Variants in BCAS3 observed in about 807,000 individuals in gnomAD.
The protein encoded by BCAS3 is BCAS4/BCAS3 fusion.
In BCAS3, 53 loss-of-function variants were observed where a neutral mutation model predicts 116.1. The observed-to-expected ratio is 0.46, with a 90% CI of 0.37 to 0.57. BCAS3 has a LOEUF of 0.57. Among genes scored for constraint, BCAS3 ranks in the 20% least tolerant of loss-of-function variants. The pLI is 0.00. For missense variants in BCAS3, 917 were observed against 1,165.4 expected, an observed-to-expected ratio of 0.79 and a Z score of 3.10; for synonymous variants, 391 against 408.2, an observed-to-expected ratio of 0.96 and a Z score of 0.51.
intron 22 of BCAS3, among the ~76,000 whole-genome samples, chr17:61,274,458 T>G (rs1301111120): frequency 1.3e-5 from 2 of 151,810 alleles, no homozygotes; most frequent in Non-Finnish European, 2.9e-5. Flanking sequence ...CTGCCTAATT[T>G]TTGTATTTTT....
chr17:60,982,596 A>G (rs192552042), intron 14 of BCAS3, among the ~76,000 whole-genome samples: 7 of 152,248 alleles, frequency 4.6e-5, no homozygotes, highest in East Asian at 1.9e-4. Flanking sequence ...TCCTCTCTCT[A>G]CTGTGGAGAA....
chr17:61,334,016 A>G (rs968482557), intron 22 of BCAS3, among the ~76,000 whole-genome samples: 6 of 152,146 alleles, frequency 3.9e-5, no homozygotes, highest in Non-Finnish European at 5.9e-5. Context: ...TTAATTCAAC[A>G]TATAATTTGA....
chr17:61,047,899 G>C (rs575221308), intron 19 of BCAS3, among the ~76,000 whole-genome samples: 31 of 152,152 alleles, frequency 2.0e-4, no homozygotes, highest in Middle Eastern at 3.4e-3. Flanking sequence ...CTTTGTGGCA[G>C]AGTGGGTTTC....
intron 7 of BCAS3, among the ~76,000 whole-genome samples, chr17:60,845,010 A>C (rs1479454298): frequency 6.6e-6 from 1 of 152,204 alleles, no homozygotes; most frequent in Non-Finnish European, 1.5e-5. Flanking sequence ...CAGGTGGATC[A>C]CCTGAGGTCA....
intron 22 of BCAS3, among the ~76,000 whole-genome samples, chr17:61,270,480 A>T (rs1026216901): frequency 1.3e-5 from 2 of 151,886 alleles, no homozygotes; most frequent in Non-Finnish European, 2.9e-5. Context: ...GGTGCTCTTT[A>T]TACATTCTGG....
At chr17:61,237,038 A>C (rs1418573721) in intron 22 of BCAS3, among the ~76,000 whole-genome samples, 2 of 152,222 alleles carry the variant, frequency 1.3e-5, no homozygotes, top group Admixed American at 6.5e-5. Flanking sequence ...TTAAAAAGTT[A>C]TCTTTTTTAC....
chr17:61,017,774 A>G lies in BCAS3; in HGVS notation c.1637+1873A>G, dbSNP rs1041137145. Among the ~76,000 whole-genome samples, 4 of 152,178 alleles carry G rather than the reference A, an allele frequency of 2.6e-5. No individual in the cohort carries two copies. Among genetic ancestry groups the G allele is most frequent in the Admixed American group, 6.5e-5 (1 of 15,282 alleles). On this transcript the variant is annotated intron_variant, in intron 16 of 23. Transcript: ENST00000407086. This position sits in a 1 kb window ranked among gnomAD's most constrained non-coding sequence, Gnocchi z 4.7. ...TTTTATGTAGTATTTGAAATTTTCC[A>G]TAAGAAGATAAAATCTCTTGCTTTC...
At chr17:60,711,829 G>A (rs942109444) in intron 5 of BCAS3, among the ~76,000 whole-genome samples, 2 of 151,716 alleles carry the variant, frequency 1.3e-5, no homozygotes, top group African/African-American at 2.4e-5. Flanking sequence ...GAGGCAGGAG[G>A]ATCACTTGAG....
intron 10 of BCAS3, chr17:60,900,015 G>GGC (rs2057774532): frequency 2.0e-5 from 3 of 152,402 alleles, no homozygotes. Flanking sequence ...ACTAAGTTCA[G>GGC]CATCAATATG....
chr17:61,270,796 G>A (rs751887484), intron 22 of BCAS3, among the ~76,000 whole-genome samples: 1 of 152,028 alleles, frequency 6.6e-6, no homozygotes, highest in Non-Finnish European at 1.5e-5. Flanking sequence ...AGGCTGGAGT[G>A]CAATGGTGCA....
At chr17:60,986,563 T>C (rs962711424) in intron 14 of BCAS3, among the ~76,000 whole-genome samples, 2 of 152,222 alleles carry the variant, frequency 1.3e-5, no homozygotes, top group Non-Finnish European at 2.9e-5. Flanking sequence ...GATATCTCAT[T>C]GTAGTTTTGA....
At chr17:61,272,127 C>T (rs1033541892) in intron 22 of BCAS3, among the ~76,000 whole-genome samples, 4 of 152,176 alleles carry the variant, frequency 2.6e-5, no homozygotes, top group African/African-American at 9.7e-5. Context: ...ATTGAAGAGA[C>T]TGTCATCAAA....
At chr17:61,123,277 A>G (rs8069606) in intron 22 of BCAS3, among the ~76,000 whole-genome samples, 15,307 of 151,830 alleles carry the variant, frequency 0.1, 2,340 homozygotes, top group African/African-American at 0.33. Context: ...TCTCTACACT[A>G]CATTTCCTTA....
intron 15 of BCAS3, among the ~76,000 whole-genome samples, chr17:60,997,715 C>A (rs2063932803): frequency 6.6e-6 from 1 of 152,322 alleles, no homozygotes; most frequent in South Asian, 2.1e-4. Context: ...TTCAGGTACA[C>A]ATTCAACCCC....
chr17:60,860,716 A>T (rs1318192721), intron 7 of BCAS3, among the ~76,000 whole-genome samples: 3 of 152,218 alleles, frequency 2.0e-5, no homozygotes, highest in Non-Finnish European at 4.4e-5. Context: ...ATGGTTTGCC[A>T]GTAGTCCCAC....
At chr17:61,375,338 T>A (rs1430881362) in intron 23 of BCAS3, among the ~76,000 whole-genome samples, 1 of 151,912 alleles carries the variant, frequency 6.6e-6, no homozygotes, top group African/African-American at 2.4e-5. Flanking sequence ...CAATCAGATA[T>A]GTACCAAATA....
At chr17:61,052,715 C>CTTTCTT (rs781028474) in intron 19 of BCAS3, among the ~76,000 whole-genome samples, 73 of 124,982 alleles carry the variant, frequency 5.8e-4, no homozygotes, top group African/African-American at 1.7e-3. Flanking sequence ...TTCTTTCTTT[C>CTTTCTT]TTTTTTTTTT....
intron 6 of BCAS3, among the ~76,000 whole-genome samples, chr17:60,777,174 G>A (rs1165130938): frequency 6.6e-6 from 1 of 152,086 alleles, no homozygotes; most frequent in East Asian, 1.9e-4. Context: ...TGGCAGTAGG[G>A]AAAAAATGGC....
intron 22 of BCAS3, among the ~76,000 whole-genome samples, chr17:61,336,575 T>G (rs2056742144): frequency 1.3e-5 from 2 of 152,244 alleles, no homozygotes; most frequent in African/African-American, 4.8e-5. Flanking sequence ...CTTTCTAGTT[T>G]GGAAGGTGCA....
Sources: allele counts gnomAD v4.1 joint callset (sites outside exome capture counted in the v4.1 genomes callset), GRCh38; gene constraint gnomAD v4.1.1; non-coding constraint Gnocchi (gnomAD v3.1); transcripts MANE v1.5; gene names NCBI Gene and HGNC (gene_info 2026-07-23, HGNC 2026-07-21).